E2F3: variants seen among roughly 807,000 people sequenced by gnomAD.
The protein encoded by E2F3 is E2F transcription factor 3, also known as transcription factor E2F3.
Under a neutral mutation model 44.4 loss-of-function variants are expected in E2F3, and 11 were observed. The ratio of observed to expected loss-of-function variants is 0.25; its 90% CI spans 0.16 to 0.41. The LOEUF is 0.41. E2F3 is among the 10% of genes least tolerant of loss of function. E2F3 has a pLI of 1.00. For synonymous variants in E2F3, 249 were observed against 253.0 expected (o/e 0.98, Z 0.15); for missense variants, 487 against 583.6 (o/e 0.83, Z 1.70).
At chr6:20,408,109 A>G (rs1267827908) in intron 1 of E2F3, among the ~76,000 whole-genome samples, 1 of 152,256 alleles carries the variant, frequency 6.6e-6, no homozygotes, top group East Asian at 1.9e-4. Context: ...GATTGCTAAA[A>G]AGCATTTTTT....
intron 1 of E2F3, among the ~76,000 whole-genome samples, chr6:20,428,114 G>T (rs1365920830): frequency 6.6e-6 from 1 of 152,202 alleles, no homozygotes; most frequent in Non-Finnish European, 1.5e-5. Context: ...TTTCTCCCAA[G>T]GTGAGGGAGG....
At chr6:20,429,882 G>A (rs1409956711) in intron 1 of E2F3, among the ~76,000 whole-genome samples, 1 of 151,660 alleles carries the variant, frequency 6.6e-6, no homozygotes, top group Non-Finnish European at 1.5e-5. Flanking sequence ...ATTCCTGGGG[G>A]AATTTTAATA....
At chr6:20,431,424 G>A (rs148854285) in intron 1 of E2F3, among the ~76,000 whole-genome samples, 109 of 152,252 alleles carry the variant, frequency 7.2e-4, no homozygotes, top group African/African-American at 2.6e-3. Context: ...TTCTGCTGAC[G>A]GTGTCCTGCC....
In E2F3 at chr6:20,403,941, C is replaced by A. The variant is rs921361863; in HGVS notation, c.393+1316C>A. 1.9e-4 allele frequency: 113 copies of A among 610,462 alleles called. No homozygotes were observed. In the African/African-American group the frequency reaches 2.0e-3, roughly 11 times the overall value. The allele number at this position is 610,462 out of a possible 1,614,324, so 37.8% of individuals were successfully genotyped here. A position where few individuals can be genotyped will look rare whatever the true frequency, so the allele number is the denominator to read the frequency against. On this transcript the variant is annotated intron_variant, in intron 1 of 6. Transcript: ENST00000346618. ...GTTGAGCGGGGTTTTGGAGTGGGAA[C>A]GGGGGGTTGGGTGCTCGAGGGAAAT...
chr6:20,429,296 A>G (rs968146882), intron 1 of E2F3, among the ~76,000 whole-genome samples: 8 of 152,206 alleles, frequency 5.3e-5, no homozygotes, highest in Non-Finnish European at 1.2e-4. Context: ...TCGTGCTTTC[A>G]GTTACCTAAG....
At chr6:20,407,620 G>C (rs1304442005) in intron 1 of E2F3, among the ~76,000 whole-genome samples, 1 of 152,160 alleles carries the variant, frequency 6.6e-6, no homozygotes, top group African/African-American at 2.4e-5. Context: ...TAACTCTTCT[G>C]TCTTTAATGC....
intron 1 of E2F3, chr6:20,403,690 CCCTCT>C: frequency 1.7e-6 from 1 of 585,012 alleles, no homozygotes; most frequent in Non-Finnish European, 2.9e-6. Context: ...CCGCCACCCT[CCCTCT>C]CCTCTCCCCA....
At chr6:20,433,066 A>G (rs572717473) in intron 1 of E2F3, among the ~76,000 whole-genome samples, 3 of 152,300 alleles carry the variant, frequency 2.0e-5, no homozygotes, top group Admixed American at 6.5e-5. Context: ...TTGTTTGCCT[A>G]GTGCCCACAA....
intron 1 of E2F3, among the ~76,000 whole-genome samples, chr6:20,424,522 ACT>A (rs1388779779): frequency 6.6e-6 from 1 of 152,054 alleles, no homozygotes; most frequent in Non-Finnish European, 1.5e-5. Context: ...GAAGCAGCAC[ACT>A]GTTTTGAATA....
intron 1 of E2F3, among the ~76,000 whole-genome samples, chr6:20,472,025 A>ACACACACAC (rs1554140446): frequency 7.2e-6 from 1 of 138,358 alleles, no homozygotes; most frequent in Non-Finnish European, 1.6e-5. Context: ...CCCCCCCTCC[A>ACACACACAC]ACACACACAC....
At chr6:20,433,624 CTTT>C (rs1760476641) in intron 1 of E2F3, among the ~76,000 whole-genome samples, 1 of 152,016 alleles carries the variant, frequency 6.6e-6, no homozygotes, top group Non-Finnish European at 1.5e-5. Flanking sequence ...GCTGCTGGAT[CTTT>C]TTATTTCACG....
chr6:20,479,712 T>C, intron 1 of E2F3, 134 bp from the exon 2 acceptor site: 2 of 679,512 alleles, frequency 2.9e-6, no homozygotes, highest in Non-Finnish European at 5.0e-6. Context: ...AATGACAAGA[T>C]GCTGAGTGGG....
rs1762604057 is a variant in E2F3, at chr6:20,493,321, A to C, written c.*2891A>C. The C allele has an allele frequency of 4.5e-6, 1 of 220,878 alleles. No individual in the cohort carries two copies. The highest frequency in any genetic ancestry group is 1.8e-4 in the South Asian group (1 of 5,420). 13.7% of individuals were successfully genotyped at this position (220,878 alleles called of 1,614,324 possible). On this transcript the variant is annotated 3_prime_UTR_variant, in exon 7 of 7. Coordinates refer to ENST00000346618, the MANE Select transcript of E2F3 (RefSeq NM_001949.5). ...AAGCTTAAGCTTTCAGGAAAAAGAA[A>C]ATAAGAATTCAGTGTGTGCATGACA...
chr6:20,451,903 A>G lies in E2F3; in HGVS notation c.394-27943A>G, dbSNP rs1761144120. ...TGAACCAACCTTGCATCCCAGGGAT[A>G]AAGCCTACTTGATCATGATGGGTAA... is the stretch of plus-strand genomic sequence containing the variant. On this transcript the variant is annotated intron_variant, in intron 1 of 6. Transcript: ENST00000346618. Among the ~76,000 whole-genome samples, 9 of 152,198 alleles carry G rather than the reference A, an allele frequency of 5.9e-5. No individual in the cohort carries two copies. The South Asian group carries it at 1.9e-3, about 32-fold the overall frequency.
At chr6:20,438,219 G>C (rs1442899905) in intron 1 of E2F3, among the ~76,000 whole-genome samples, 1 of 152,138 alleles carries the variant, frequency 6.6e-6, no homozygotes, top group African/African-American at 2.4e-5. Flanking sequence ...TCATTGTAAT[G>C]GGCTTTGTAA....
chr6:20,459,392 A>G (rs1561871302), intron 1 of E2F3, among the ~76,000 whole-genome samples: 1 of 152,246 alleles, frequency 6.6e-6, no homozygotes, highest in Non-Finnish European at 1.5e-5. Flanking sequence ...GATGCCAGCT[A>G]TGAAAACTAA....
intron 1 of E2F3, among the ~76,000 whole-genome samples, chr6:20,424,994 G>A (rs548150108): frequency 6.6e-6 from 1 of 152,168 alleles, no homozygotes; most frequent in Non-Finnish European, 1.5e-5. Flanking sequence ...GTCTAGGGCG[G>A]GTTATCAGGT....
At chr6:20,483,630 A>C (rs1360125165) in intron 4 of E2F3, among the ~76,000 whole-genome samples, 2 of 152,230 alleles carry the variant, frequency 1.3e-5, no homozygotes, top group Non-Finnish European at 2.9e-5. Context: ...TCTATTGACG[A>C]TCTCAGGAAA....
chr6:20,480,863 C>T (rs1460212362), intron 2 of E2F3, among the ~76,000 whole-genome samples: 1 of 152,108 alleles, frequency 6.6e-6, no homozygotes, highest in South Asian at 2.1e-4. Flanking sequence ...CCCCTGAGGC[C>T]ACAGCACTCT....
Sources: gnomAD v4.1 joint callset for allele counts (sites outside exome capture counted in the v4.1 genomes callset) on GRCh38, gnomAD v4.1.1 for gene constraint, MANE v1.5 for transcripts, NCBI Gene and HGNC (gene_info 2026-07-23, HGNC 2026-07-21) for gene names.